The following ASTN2 variants were observed in gnomAD, a reference collection of about 807,000 sequenced individuals.
The protein encoded by ASTN2 is astrotactin 2.
Under a neutral mutation model 139.8 loss-of-function variants are expected in ASTN2, and 54 were observed. The ratio of observed to expected loss-of-function variants is 0.39; its 90% CI spans 0.31 to 0.48. The LOEUF is 0.48. Ranked by LOEUF, ASTN2 falls within the 20% of genes least tolerant of loss-of-function variation. The probability of loss-of-function intolerance (pLI) is 0.95; values close to 1 mark genes in which losing one functional copy is unlikely to be tolerated. For synonymous variants in ASTN2, 756 were observed against 719.5 expected (o/e 1.05, Z -0.81); for missense variants, 1,565 against 1,725.1 (o/e 0.91, Z 1.64).
At chr9:117,120,014 G>A (rs796154007) in intron 4 of ASTN2, among the ~76,000 whole-genome samples, 4,789 of 33,938 alleles carry the variant, frequency 0.14, 217 homozygotes, top group East Asian at 0.26. Context: ...GTGTGTGTGT[G>A]TGTGTATATA....
chr9:116,807,511 G>C (rs1207630227), intron 12 of ASTN2, among the ~76,000 whole-genome samples: 1 of 152,162 alleles, frequency 6.6e-6, no homozygotes, highest in African/African-American at 2.4e-5. Context: ...GAAATCTCTT[G>C]GAAAAGGGCC....
chr9:117,181,746 G>A (rs1297750322), intron 3 of ASTN2, among the ~76,000 whole-genome samples: 1 of 152,176 alleles, frequency 6.6e-6, no homozygotes, highest in Non-Finnish European at 1.5e-5. Context: ...TCCATAGCAA[G>A]TACAAAGCAT....
chr9:117,395,290 T>C (rs1457048373), intron 1 of ASTN2, among the ~76,000 whole-genome samples: 1 of 151,824 alleles, frequency 6.6e-6, no homozygotes, highest in African/African-American at 2.4e-5. Flanking sequence ...TGCCTGAGAA[T>C]TGGATAGAAG....
intron 19 of ASTN2, among the ~76,000 whole-genome samples, chr9:116,511,426 T>C (rs1289614795): frequency 1.3e-5 from 2 of 152,202 alleles, no homozygotes; most frequent in Non-Finnish European, 2.9e-5. Context: ...TGAGGATTTT[T>C]GCATCGATGT....
chr9:117,253,133 T>G (rs1355857567), intron 2 of ASTN2, among the ~76,000 whole-genome samples: 1 of 152,168 alleles, frequency 6.6e-6, no homozygotes, highest in Non-Finnish European at 1.5e-5. Context: ...GAGCCCCTGG[T>G]CATACCATGA....
intron 16 of ASTN2, among the ~76,000 whole-genome samples, chr9:116,720,025 G>A (rs369844296): frequency 4.6e-5 from 7 of 152,018 alleles, no homozygotes; most frequent in East Asian, 1.9e-4. Context: ...AAGTTCCCTC[G>A]GGAAACTGAA....
intron 1 of ASTN2, among the ~76,000 whole-genome samples, chr9:117,306,690 C>A (rs1835008123): frequency 6.6e-6 from 1 of 152,144 alleles, no homozygotes; most frequent in Non-Finnish European, 1.5e-5. Context: ...ACATGATAAA[C>A]CTTATACACA....
At chr9:117,307,241 CACAA>C (rs1835023712) in intron 1 of ASTN2, among the ~76,000 whole-genome samples, 1 of 152,234 alleles carries the variant, frequency 6.6e-6, no homozygotes. Context: ...TCCTCCTATG[CACAA>C]ACATATATGT....
intron 16 of ASTN2, among the ~76,000 whole-genome samples, chr9:116,666,725 A>G (rs916353991): frequency 6.6e-6 from 1 of 152,080 alleles, no homozygotes; most frequent in African/African-American, 2.4e-5. Flanking sequence ...AGCCTGTAAG[A>G]CAAAAACAGG....
chr9:117,365,291 TAGAAAGAAAAAGAAAGAA>T (rs1414965854), intron 1 of ASTN2, among the ~76,000 whole-genome samples: 1,426 of 101,180 alleles, frequency 0.014, 21 homozygotes, highest in African/African-American at 0.048. Context: ...AAGAAAGAAA[TAGAAAGAAAAAGAAAGAA>T]AGAAAAAGAA....
chr9:116,503,658 A>G (rs1849984332), intron 19 of ASTN2, among the ~76,000 whole-genome samples: 1 of 152,284 alleles, frequency 6.6e-6, no homozygotes, highest in East Asian at 1.9e-4. Context: ...ACACACACAT[A>G]TACTATATAT....
At position 116,976,634 on chromosome 9, in the gene ASTN2, G is replaced by A. The variant is rs528917483; in HGVS notation, c.1676+67C>T. ...TTTGTGGAGATGCTTGGGGCCTCTG[G>A]TAACAGAACAGAGGAGGTAAAAGTG... is the stretch of plus-strand genomic sequence containing the variant. On this transcript the variant is annotated intron_variant, in intron 8 of 22. Coordinates refer to ENST00000313400, the MANE Select transcript of ASTN2 (RefSeq NM_001365068.1). The A allele has an allele frequency of 1.7e-5, 23 of 1,387,778 alleles. 1 individual carries two copies. In the South Asian group the frequency reaches 2.7e-4, roughly 17 times the overall value. The allele number at this position is 1,387,778 out of a possible 1,614,324, so 86.0% of individuals were successfully genotyped here.
At chr9:116,508,819 C>A (rs1285049600) in intron 19 of ASTN2, among the ~76,000 whole-genome samples, 1 of 151,968 alleles carries the variant, frequency 6.6e-6, no homozygotes, top group African/African-American at 2.4e-5. Context: ...AATTAGAGGG[C>A]AAAGAAGAAA....
chr9:116,549,189 T>C (rs62574405), intron 19 of ASTN2, among the ~76,000 whole-genome samples: 23,859 of 132,840 alleles, frequency 0.18, 2,060 homozygotes, highest in Middle Eastern at 0.25. Context: ...AATAAAAAGA[T>C]CAGAGGAGGA....
chr9:117,265,209 G>T (rs1833914695), intron 2 of ASTN2, among the ~76,000 whole-genome samples: 1 of 152,174 alleles, frequency 6.6e-6, no homozygotes, highest in Non-Finnish European at 1.5e-5. Context: ...TAGGAAACAA[G>T]GCAGGGAAGA....
chr9:116,427,595 G>A (rs1847348536), intron 22 of ASTN2, among the ~76,000 whole-genome samples: 1 of 152,236 alleles, frequency 6.6e-6, no homozygotes, highest in Non-Finnish European at 1.5e-5. Flanking sequence ...TACCACAGGA[G>A]GGAAGGAGTT....
intron 2 of ASTN2, among the ~76,000 whole-genome samples, chr9:117,270,982 G>A (rs558899017): frequency 6.6e-6 from 1 of 152,156 alleles, no homozygotes; most frequent in Non-Finnish European, 1.5e-5. Flanking sequence ...GCTTTGAACA[G>A]ATACTTTCAA....
At chr9:116,528,794 G>T (rs1851204417) in intron 19 of ASTN2, among the ~76,000 whole-genome samples, 1 of 152,180 alleles carries the variant, frequency 6.6e-6, no homozygotes, top group Non-Finnish European at 1.5e-5. Context: ...AAGGGGCCAA[G>T]GTATAGCTTA....
At chr9:117,034,091 C>G (rs1055807522) in intron 6 of ASTN2, among the ~76,000 whole-genome samples, 2 of 152,080 alleles carry the variant, frequency 1.3e-5, no homozygotes, top group South Asian at 2.1e-4. Context: ...AGTCTTGGAA[C>G]AAAACAGGGA....
Sources: allele counts gnomAD v4.1 joint callset (sites outside exome capture counted in the v4.1 genomes callset), GRCh38; gene constraint gnomAD v4.1.1; transcripts MANE v1.5; gene names NCBI Gene and HGNC (gene_info 2026-07-23, HGNC 2026-07-21).